CDK5RAP2: variants seen among roughly 807,000 people sequenced by gnomAD.
CDK5RAP2 encodes the protein CDK5 regulatory subunit associated protein 2, also known as CDK5 regulatory subunit-associated protein 2.
Under a neutral mutation model 232.9 loss-of-function variants are expected in CDK5RAP2, and 147 were observed. That is an observed-to-expected ratio of 0.63 (90% CI 0.55 to 0.72). The LOEUF is 0.72. Ranked by LOEUF, CDK5RAP2 falls within the 30% of genes least tolerant of loss-of-function variation. The pLI is 0.00. For missense variants in CDK5RAP2, 2,195 were observed against 2,231.5 expected, an observed-to-expected ratio of 0.98 and a Z score of 0.33; for synonymous variants, 833 against 833.7, an observed-to-expected ratio of 1.00 and a Z score of 0.01.
intron 20 of CDK5RAP2, among the ~76,000 whole-genome samples, chr9:120,454,840 G>C (rs1348088654): frequency 2.6e-5 from 4 of 152,192 alleles, no homozygotes; most frequent in African/African-American, 9.7e-5. Flanking sequence ...GTCCCCAGCA[G>C]TAACCAGATC....
chr9:120,469,270 C>T (rs1467139959), intron 17 of CDK5RAP2, among the ~76,000 whole-genome samples: 2 of 152,304 alleles, frequency 1.3e-5, no homozygotes, highest in Admixed American at 6.5e-5. Flanking sequence ...CACTTCAAGT[C>T]TCACTTCTGC....
chr9:120,546,530 T>C (rs1339117912), intron 4 of CDK5RAP2, among the ~76,000 whole-genome samples: 1 of 152,208 alleles, frequency 6.6e-6, no homozygotes, highest in African/African-American at 2.4e-5. Context: ...GACAGAATAT[T>C]AGATGAACTC....
chr9:120,542,412 G>A (rs951781507), intron 5 of CDK5RAP2, among the ~76,000 whole-genome samples: 1 of 150,444 alleles, frequency 6.6e-6, no homozygotes, highest in Non-Finnish European at 1.5e-5. Context: ...GGCTGAGGCA[G>A]AAGAATCACT....
intron 25 of CDK5RAP2, among the ~76,000 whole-genome samples, chr9:120,430,622 G>T (rs142821426): frequency 6.8e-4 from 100 of 147,804 alleles, no homozygotes; most frequent in South Asian, 2.0e-3. Context: ...ACAGGTGCTA[G>T]AGAGGATGTG....
intron 23 of CDK5RAP2, among the ~76,000 whole-genome samples, chr9:120,442,852 T>C (rs1009099863): frequency 3.3e-5 from 5 of 152,314 alleles, no homozygotes; most frequent in Admixed American, 2.6e-4. Context: ...ACTCAGTATT[T>C]TTCCAGAGAC....
At chr9:120,513,589 C>G (rs2040192369) in intron 12 of CDK5RAP2, among the ~76,000 whole-genome samples, 1 of 152,196 alleles carries the variant, frequency 6.6e-6, no homozygotes, top group Non-Finnish European at 1.5e-5. Flanking sequence ...ACCTCTAGCT[C>G]AAACTTCAGA....
Position 120,402,526 on chromosome 9 carries a change from G to A in CDK5RAP2, c.5307+280C>T, listed in dbSNP as rs1412505752. On this transcript the variant is annotated intron_variant, in intron 34 of 37. Coordinates refer to ENST00000349780, the MANE Select transcript of CDK5RAP2 (RefSeq NM_018249.6). ...AGACACACCAGGGTGCAGATGGAGA[G>A]AAGAATGGATGAGAGACCAGATGTA... Among the ~76,000 whole-genome samples, 4 of 152,180 alleles carry A rather than the reference G, an allele frequency of 2.6e-5. No homozygotes were observed. In the South Asian group the frequency reaches 6.2e-4, roughly 24 times the overall value.
At chr9:120,419,749 T>G (rs769840918) in intron 27 of CDK5RAP2, 39 bp downstream of exon 27, 1 of 1,478,740 alleles carries the variant, frequency 6.8e-7, no homozygotes, top group Non-Finnish European at 9.5e-7. Flanking sequence ...ATTGTTTTAA[T>G]CAGGCCATGT....
intron 19 of CDK5RAP2, 27 bp downstream of exon 19, chr9:120,460,545 A>C: frequency 3.1e-6 from 5 of 1,608,076 alleles, no homozygotes; most frequent in Non-Finnish European, 4.3e-6. Flanking sequence ...AGTAGATGAA[A>C]TAAGGAGTTA....
chr9:120,414,941 A>G, intron 28 of CDK5RAP2, 99 bp downstream of exon 28: 1 of 1,412,750 alleles, frequency 7.1e-7, no homozygotes, highest in Non-Finnish European at 1.0e-6. Flanking sequence ...ATGAACATTT[A>G]TCAAGCACCT....
chr9:120,439,697 C>T lies in CDK5RAP2; in HGVS notation c.3424G>A (p.Ala1142Thr). 2 of 1,614,236 alleles carry T rather than the reference C, an allele frequency of 1.2e-6. No individual in the cohort carries two copies. The highest frequency in any genetic ancestry group is 1.7e-6 in the Non-Finnish European group (2 of 1,180,038). ...GTCCCACACAAAACTGTAATTATGG[C>T]CTCACTGCACTGGGAGTGCTTTTGA... Reference protein sequence around the residue: ...QLQKHSQCSEAIITVLCGTEG... With the variant: ...QLQKHSQCSETIITVLCGTEG... Residue 1142 changes from alanine (A) to threonine (T), a missense_variant, in exon 24 of 38, where the codon GCC (alanine) becomes ACC (threonine). Coordinates refer to ENST00000349780, the MANE Select transcript of CDK5RAP2 (RefSeq NM_018249.6).
chr9:120,503,967 G>A (rs1314418665), intron 12 of CDK5RAP2, among the ~76,000 whole-genome samples: 1 of 152,120 alleles, frequency 6.6e-6, no homozygotes, highest in African/African-American at 2.4e-5. Flanking sequence ...GAGCACCTGG[G>A]AGATGAAAAG....
chr9:120,521,043 A>C (rs2040627685), intron 11 of CDK5RAP2, among the ~76,000 whole-genome samples: 1 of 152,206 alleles, frequency 6.6e-6, no homozygotes, highest in Non-Finnish European at 1.5e-5. Flanking sequence ...TGGGTACAAC[A>C]TAAATAAATC....
At chr9:120,549,568 T>C (rs890873127) in intron 4 of CDK5RAP2, among the ~76,000 whole-genome samples, 9 of 152,190 alleles carry the variant, frequency 5.9e-5, no homozygotes, top group Non-Finnish European at 1.5e-5. Context: ...TACTCATCTA[T>C]AAGCCTCAGT....
At chr9:120,487,487 A>G (rs372559503) in intron 13 of CDK5RAP2, 50 bp from the exon 14 acceptor site, 7 of 1,409,850 alleles carry the variant, frequency 5.0e-6, no homozygotes, top group Non-Finnish European at 6.8e-6. Context: ...GAAAAAAAAT[A>G]TTAAGAAACT....
In CDK5RAP2 at chr9:120,450,802, A is replaced by G. The variant is rs112754093; in HGVS notation, c.2793+2654T>C. Among the ~76,000 whole-genome samples, 298 of 152,318 alleles carry G rather than the reference A, an allele frequency of 2.0e-3. 2 individuals carry two copies. Among genetic ancestry groups the G allele is most frequent in the African/African-American group, 6.3e-3 (263 of 41,566 alleles). The stretch of plus-strand genomic sequence containing the variant: ...ACCGAGATGTCAAACAACTAGTCCA[A>G]TGTCACAGTGCAAGAAGGTTCAAGA... On this transcript the variant is annotated intron_variant, in intron 21 of 37. Transcript: ENST00000349780.
At chr9:120,425,783 A>G (rs1284838316) in intron 25 of CDK5RAP2, among the ~76,000 whole-genome samples, 1 of 152,196 alleles carries the variant, frequency 6.6e-6, no homozygotes, top group African/African-American at 2.4e-5. Context: ...AACTAATTCT[A>G]TTTTAATATT....
At chr9:120,390,018 C>T in intron 36 of CDK5RAP2, 3 of 558,642 alleles carry the variant, frequency 5.4e-6, no homozygotes, top group Non-Finnish European at 9.9e-6. Context: ...CGCTAAGCCA[C>T]CACCTGACAG....
At position 120,437,398 on chromosome 9, in the gene CDK5RAP2, CA is replaced by C; in HGVS notation, c.3851del (p.Leu1284CysfsTer19). The C allele has an allele frequency of 6.2e-7, 1 of 1,614,132 alleles. No individual in the cohort carries two copies. The highest frequency in any genetic ancestry group is 1.1e-5 in the South Asian group (1 of 91,088). On this transcript the variant is annotated frameshift_variant, in exon 25 of 38. Transcript: ENST00000349780. LOFTEE classifies it high-confidence loss of function. ...MNTMIKAFEE[L>X]LQASDVDYCV... ...AGTAATCCACATCACTGGCCTGCAGCAACTCCTCAAATGCCTTAATCATGGT... is the reference window on the plus strand; with the variant it reads ...AGTAATCCACATCACTGGCCTGCAGCACTCCTCAAATGCCTTAATCATGGT...
Sources: gnomAD v4.1 joint callset for allele counts (sites outside exome capture counted in the v4.1 genomes callset) on GRCh38, gnomAD v4.1.1 for gene constraint, MANE v1.5 for transcripts, NCBI Gene and HGNC (gene_info 2026-07-23, HGNC 2026-07-21) for gene names.